The following CSPP1 variants were observed in gnomAD, a reference collection of about 807,000 sequenced individuals.
CSPP1 encodes centrosome and spindle pole associated protein 1, also known as centrosome and spindle pole-associated protein 1.
Under a neutral mutation model 164.4 loss-of-function variants are expected in CSPP1, and 126 were observed. The ratio of observed to expected loss-of-function variants is 0.77; its 90% CI spans 0.66 to 0.89. The LOEUF (loss-of-function observed/expected upper bound fraction) is 0.89, where lower values mean the gene tolerates loss of function less well. CSPP1 is among the 40% of genes least tolerant of loss of function. The pLI is 0.00. For missense variants in CSPP1, 1,395 were observed against 1,449.8 expected, an observed-to-expected ratio of 0.96 and a Z score of 0.61; for synonymous variants, 472 against 476.7, an observed-to-expected ratio of 0.99 and a Z score of 0.13.
At chr8:67,083,548 A>AAAAAAAAAATATATATATATATATAT (rs1332248754) in intron 3 of CSPP1, 1 of 91,502 alleles carries the variant, frequency 1.1e-5, no homozygotes, top group African/African-American at 4.5e-5. Context: ...AAAAAAAAAA[A>AAAAAAAAAATATATATATATATATAT]ATATATATAT....
chr8:67,120,848 TTTTC>T (rs1435782273), intron 15 of CSPP1, among the ~76,000 whole-genome samples: 4 of 151,872 alleles, frequency 2.6e-5, no homozygotes, highest in Non-Finnish European at 5.9e-5. Flanking sequence ...TTTTATTTAT[TTTTC>T]TTTCTTTCTT....
intron 3 of CSPP1, among the ~76,000 whole-genome samples, chr8:67,083,531 C>CAAAAAAAAAAAAAAA (rs1171275894): frequency 2.8e-5 from 2 of 71,858 alleles, no homozygotes; most frequent in African/African-American, 1.4e-4. Flanking sequence ...GACTTTGTCT[C>CAAAAAAAAAAAAAAA]AAAAAAAAAA....
At chr8:67,064,646 C>T in intron 1 of CSPP1, 108 bp downstream of exon 1, 1 of 642,948 alleles carries the variant, frequency 1.6e-6, no homozygotes, top group Non-Finnish European at 2.2e-6. Flanking sequence ...GGTCTCGAGG[C>T]AACTAGGCCG....
chr8:67,145,237 A>G (rs1277136360), intron 17 of CSPP1, among the ~76,000 whole-genome samples: 1 of 152,056 alleles, frequency 6.6e-6, no homozygotes, highest in Admixed American at 6.6e-5. Context: ...TTATTTATTT[A>G]TTGGCATAAT....
intron 15 of CSPP1, among the ~76,000 whole-genome samples, chr8:67,124,612 C>T (rs557196008): frequency 1.1e-4 from 16 of 151,952 alleles, no homozygotes; most frequent in African/African-American, 1.4e-4. Context: ...ACAGTCTTCC[C>T]GCCTTAGCCT....
In CSPP1 at chr8:67,074,260, A is replaced by C. The variant is rs1585833752; in HGVS notation, c.8A>C (p.Asp3Ala). The C allele has an allele frequency of 3.1e-6, 5 of 1,608,350 alleles. No homozygotes were observed. The East Asian group carries it at 1.1e-4, about 36-fold the overall frequency. The change falls in exon 2 of 31, where the codon GAT (aspartate) becomes GCT (alanine). Residue 3 changes from aspartate to alanine, a missense_variant. Asp to Ala is a moderately radical substitution (Grantham distance 126). Coordinates refer to ENST00000678616, the MANE Select transcript of CSPP1 (RefSeq NM_001382391.1). Reference protein sequence around the residue: MADNLDEFIEEQK... With the variant: MAANLDEFIEEQK... ...TTTTAAAGAATCTGCAAAATGGCTGATAATTTGGATGAATTTATTGAAGAG... is the reference window on the plus strand; with the variant it reads ...TTTTAAAGAATCTGCAAAATGGCTGCTAATTTGGATGAATTTATTGAAGAG...
rs1442543547 is a variant in CSPP1, at chr8:67,190,657, C to T, written c.3228C>T (p.Tyr1076=). The T allele has an allele frequency of 4.3e-6, 7 of 1,613,618 alleles. No individual in the cohort carries two copies. Among genetic ancestry groups the T allele is most frequent in the South Asian group, 1.1e-5 (1 of 91,060 alleles). Residue 1076 remains tyrosine, a synonymous_variant, in exon 29 of 31, where the codon TAC becomes TAT. Coordinates refer to ENST00000678616, the MANE Select transcript of CSPP1 (RefSeq NM_001382391.1). ...TTTTCGGGGTCCTCTTAGGGGCTTA[C>T]GGTGAGACATATCCTGCCATTGAAG... ...LESDSAFIGA[Y]GETYPAIEDD...
At chr8:67,141,625 A>G (rs1462892657) in intron 17 of CSPP1, among the ~76,000 whole-genome samples, 1 of 152,176 alleles carries the variant, frequency 6.6e-6, no homozygotes, top group Non-Finnish European at 1.5e-5. Flanking sequence ...GGGTTCAAGC[A>G]GTTCTCCTGC....
Position 67,178,293 on chromosome 8 carries a change from C to T in CSPP1, c.3156+567C>T, listed in dbSNP as rs555690572. ...AAAGAAAATAAGCAAAGGAAGGGAACAGAGAATGATAACACCCACCTGTAT... is the reference window on the plus strand; with the variant it reads ...AAAGAAAATAAGCAAAGGAAGGGAATAGAGAATGATAACACCCACCTGTAT... On this transcript the variant is annotated intron_variant, in intron 27 of 30. Transcript: ENST00000678616. Among the ~76,000 whole-genome samples the T allele has an allele frequency of 3.3e-5, 5 of 152,226 alleles. No individual in the cohort carries two copies. The East Asian group carries it at 7.7e-4, about 24-fold the overall frequency.
chr8:67,088,619 CG>C (rs1447680209), intron 4 of CSPP1, among the ~76,000 whole-genome samples: 3 of 434 alleles, frequency 6.9e-3, no homozygotes, highest in Admixed American at 0.031. Context: ...TATAGTCGGC[CG>C]GGGGCACGGC....
chr8:67,130,790 C>T (rs866955517), intron 15 of CSPP1, among the ~76,000 whole-genome samples: 1 of 151,756 alleles, frequency 6.6e-6, no homozygotes, highest in Non-Finnish European at 1.5e-5. Flanking sequence ...GAGTTAGAGA[C>T]CAGCCTGGCC....
At position 67,095,709 on chromosome 8, in the gene CSPP1, T is replaced by G; in HGVS notation, c.900T>G (p.Leu300=). The change falls in exon 7 of 31, where the codon CTT becomes CTG. Residue 300 remains leucine, a synonymous_variant. Coordinates refer to ENST00000678616, the MANE Select transcript of CSPP1 (RefSeq NM_001382391.1). The part of the protein sequence containing the change: ...FRYESDFDRR[L]SRVYTNDRMH... Reference sequence around the variant, plus strand: ...ATGAAAGTGATTTTGATAGAAGACTTTCGAGAGTGTATACAAATGACAGGT... The same window carrying G: ...ATGAAAGTGATTTTGATAGAAGACTGTCGAGAGTGTATACAAATGACAGGT... 2 of 1,595,992 alleles carry G rather than the reference T, an allele frequency of 1.3e-6. No individual in the cohort carries two copies. The highest frequency in any genetic ancestry group is 8.6e-7 in the Non-Finnish European group (1 of 1,169,354).
intron 21 of CSPP1, among the ~76,000 whole-genome samples, chr8:67,159,506 ATTCTTTT>A (rs1827321367): frequency 2.9e-5 from 2 of 68,904 alleles, no homozygotes; most frequent in Admixed American, 1.7e-4. Context: ...ATATATATGT[ATTCTTTT>A]TTTTTTTTTT....
intron 16 of CSPP1, chr8:67,134,078 T>C (rs763105378): frequency 2.0e-5 from 3 of 152,200 alleles, no homozygotes; most frequent in Non-Finnish European, 4.4e-5. Context: ...AATCATCCAT[T>C]AGGGTCAACT....
intron 16 of CSPP1, among the ~76,000 whole-genome samples, chr8:67,132,465 A>T (rs1821427263): frequency 6.6e-6 from 1 of 152,182 alleles, no homozygotes; most frequent in South Asian, 2.1e-4. Flanking sequence ...CAGCTGAAGG[A>T]AGGAAATTTT....
chr8:67,126,079 G>T (rs371439446), intron 15 of CSPP1, among the ~76,000 whole-genome samples: 2 of 152,126 alleles, frequency 1.3e-5, no homozygotes, highest in Non-Finnish European at 2.9e-5. Flanking sequence ...TGATCTGCCC[G>T]CCTCGGCCTC....
intron 7 of CSPP1, among the ~76,000 whole-genome samples, 194 bp from the exon 8 acceptor site, chr8:67,102,843 G>A (rs113986969): frequency 6.9e-4 from 105 of 152,242 alleles, no homozygotes; most frequent in African/African-American, 2.3e-3. Flanking sequence ...AGATTATTAC[G>A]TTTAAACTCT....
At chr8:67,130,307 A>G (rs1820958922) in intron 15 of CSPP1, among the ~76,000 whole-genome samples, 1 of 152,198 alleles carries the variant, frequency 6.6e-6, no homozygotes, top group Admixed American at 6.5e-5. Flanking sequence ...TGATAGGTAA[A>G]GGTTAAGAAT....
At chr8:67,067,337 C>G (rs1458633319) in intron 1 of CSPP1, among the ~76,000 whole-genome samples, 1 of 152,156 alleles carries the variant, frequency 6.6e-6, no homozygotes, top group Non-Finnish European at 1.5e-5. Flanking sequence ...ATATGATAAG[C>G]ATAAAGAGCC....
Sources: allele counts gnomAD v4.1 joint callset (sites outside exome capture counted in the v4.1 genomes callset), GRCh38; gene constraint gnomAD v4.1.1; transcripts MANE v1.5; gene names NCBI Gene and HGNC (gene_info 2026-07-23, HGNC 2026-07-21).